CEP63: variants seen among roughly 807,000 people sequenced by gnomAD.
CEP63 encodes centrosomal protein 63.
In CEP63, 84 loss-of-function variants were observed where a neutral mutation model predicts 89.1. The ratio of observed to expected loss-of-function variants is 0.94; its 90% CI spans 0.79 to 1.13. The LOEUF is 1.13. Among genes scored for constraint, CEP63 ranks in the 50% most tolerant of loss-of-function variants. The pLI is 0.00. For missense variants in CEP63, 838 were observed against 813.3 expected (o/e 1.03, Z -0.37); for synonymous variants, 267 against 272.5 (o/e 0.98, Z 0.20).
chr3:134,681,595 G>A, the CEP63 span, among the ~76,000 whole-genome samples: 1 of 152,212 alleles, frequency 6.6e-6, no homozygotes, highest in Non-Finnish European at 1.5e-5. Flanking sequence ...GCAGGAGATG[G>A]AGGAGCCTGG....
At chr3:134,592,469 G>GGTGTGTGTGT (rs34973626), downstream of CEP63, among the ~76,000 whole-genome samples, 11,563 of 125,036 alleles carry the variant, frequency 0.092, 879 homozygotes, top group Middle Eastern at 0.13. Context: ...TCTGCAAACT[G>GGTGTGTGTGT]GTGTGTGTGT....
At chr3:134,518,704 ATATT>A (rs1381610150) in intron 3 of CEP63, among the ~76,000 whole-genome samples, 7 of 152,146 alleles carry the variant, frequency 4.6e-5, no homozygotes, top group African/African-American at 1.7e-4. Context: ...AAAATTATAT[ATATT>A]AGAAAGGCTG....
At chr3:134,502,452 G>C (rs1167728236) in intron 2 of CEP63, among the ~76,000 whole-genome samples, 1 of 151,958 alleles carries the variant, frequency 6.6e-6, no homozygotes, top group Non-Finnish European at 1.5e-5. Flanking sequence ...ATCTGGTCTG[G>C]GGCTTCTTTA....
At chr3:134,747,845 G>A in the CEP63 span, among the ~76,000 whole-genome samples, 2 of 152,124 alleles carry the variant, frequency 1.3e-5, no homozygotes, top group East Asian at 1.9e-4. Flanking sequence ...GAGTGCAGTG[G>A]CATGATCTCG....
the CEP63 span, among the ~76,000 whole-genome samples, chr3:134,650,518 C>T: frequency 6.6e-6 from 1 of 152,026 alleles, no homozygotes; most frequent in Non-Finnish European, 1.5e-5. Context: ...AGGGTATCTT[C>T]CAATCTTGCT....
chr3:134,779,897 T>C, the CEP63 span: 1 of 152,262 alleles, frequency 6.6e-6, no homozygotes, highest in East Asian at 1.9e-4. Flanking sequence ...CTTCTTTACC[T>C]TTAAGCCATT....
chr3:134,598,101 C>A, the CEP63 span: 1 of 152,192 alleles, frequency 6.6e-6, no homozygotes, highest in Non-Finnish European at 1.5e-5. Context: ...TGGGGTCCAG[C>A]GAGTGACATG....
chr3:134,617,936 CAG>C, the CEP63 span, among the ~76,000 whole-genome samples: 2 of 152,118 alleles, frequency 1.3e-5, no homozygotes, highest in African/African-American at 4.8e-5. Context: ...GAAGCCTGGA[CAG>C]AGAGGCCAGT....
At chr3:134,686,117 G>A in the CEP63 span, among the ~76,000 whole-genome samples, 1 of 152,202 alleles carries the variant, frequency 6.6e-6, no homozygotes, top group Non-Finnish European at 1.5e-5. Flanking sequence ...GTGGGAAAGA[G>A]CATGGAAAGA....
the CEP63 span, among the ~76,000 whole-genome samples, chr3:134,767,352 A>T: frequency 6.6e-6 from 1 of 152,136 alleles, no homozygotes; most frequent in African/African-American, 2.4e-5. Context: ...CAACTAAAAG[A>T]CTGTTTCAAT....
At chr3:134,709,684 T>G in the CEP63 span, among the ~76,000 whole-genome samples, 2 of 152,210 alleles carry the variant, frequency 1.3e-5, no homozygotes, top group African/African-American at 4.8e-5. Flanking sequence ...ATTCTCCCAG[T>G]GCAACTTTGC....
At chr3:134,690,552 TTAAC>T in the CEP63 span, among the ~76,000 whole-genome samples, 3 of 152,130 alleles carry the variant, frequency 2.0e-5, no homozygotes, top group South Asian at 2.1e-4. Context: ...TTTCCATTCT[TTAAC>T]TGACTGGAGA....
chr3:134,698,313 G>T, the CEP63 span, among the ~76,000 whole-genome samples: 1 of 152,222 alleles, frequency 6.6e-6, no homozygotes, highest in Admixed American at 6.5e-5. Flanking sequence ...TACAGAGCTG[G>T]CAAAGGGGCA....
At chr3:134,514,083 A>T (rs552430856) in intron 3 of CEP63, among the ~76,000 whole-genome samples, 1 of 152,322 alleles carries the variant, frequency 6.6e-6, no homozygotes, top group South Asian at 2.1e-4. Flanking sequence ...ATTATCATGC[A>T]CACAGTTTAC....
At chr3:134,717,124 G>T in the CEP63 span, among the ~76,000 whole-genome samples, 1 of 152,340 alleles carries the variant, frequency 6.6e-6, no homozygotes. Context: ...CAGGACATGG[G>T]AATGGTACAG....
chr3:134,539,950 G>T (rs1951662925), intron 6 of CEP63, among the ~76,000 whole-genome samples: 2 of 152,116 alleles, frequency 1.3e-5, no homozygotes, highest in African/African-American at 4.8e-5. Flanking sequence ...TTCTGACTTT[G>T]TGTATGCTTA....
chr3:134,608,392 C>A, the CEP63 span: 2 of 1,439,986 alleles, frequency 1.4e-6, no homozygotes, highest in Non-Finnish European at 9.2e-7. Flanking sequence ...TCAGACACAT[C>A]CCTTTCTGGG....
At chr3:134,603,740 C>A in the CEP63 span, 1 of 1,612,500 alleles carries the variant, frequency 6.2e-7, no homozygotes, top group Non-Finnish European at 8.5e-7. Flanking sequence ...TGCCCCTTCA[C>A]CAGGACTTTG....
the CEP63 span, among the ~76,000 whole-genome samples, chr3:134,711,150 G>T: frequency 9.2e-5 from 14 of 152,188 alleles, no homozygotes; most frequent in East Asian, 7.7e-4. Context: ...CAGTATTTAC[G>T]TTAGTATGAC....
Sources: allele counts gnomAD v4.1 joint callset (sites outside exome capture counted in the v4.1 genomes callset), GRCh38; gene constraint gnomAD v4.1.1; transcripts MANE v1.5; gene names NCBI Gene and HGNC (gene_info 2026-07-23, HGNC 2026-07-21).